DNAH10: variants seen among roughly 807,000 people sequenced by gnomAD.
The protein encoded by DNAH10 is axonemal beta dynein heavy chain 10.
Under a neutral mutation model 506.6 loss-of-function variants are expected in DNAH10, and 348 were observed. The ratio of observed to expected loss-of-function variants is 0.69; its 90% CI spans 0.63 to 0.75. The LOEUF (loss-of-function observed/expected upper bound fraction) is 0.75, where lower values mean the gene tolerates loss of function less well. DNAH10 is among the 30% of genes least tolerant of loss of function. The pLI is 0.00. For missense variants in DNAH10, 5,179 were observed against 5,787.1 expected, an observed-to-expected ratio of 0.89 and a Z score of 3.41; for synonymous variants, 2,059 against 2,198.6, an observed-to-expected ratio of 0.94 and a Z score of 1.78.
At chr12:123,777,676 C>T (rs983668743) in intron 5 of DNAH10, among the ~76,000 whole-genome samples, 1 of 152,204 alleles carries the variant, frequency 6.6e-6, no homozygotes, top group Admixed American at 6.5e-5. Flanking sequence ...GACAGCGTCT[C>T]ATTCTGCCAC....
chr12:123,871,575 C>T lies in DNAH10; in HGVS notation c.7758C>T (p.Phe2586=), dbSNP rs1387273794. The change falls in exon 45 of 79, where the codon TTC becomes TTT. Residue 2586 remains phenylalanine (F), a synonymous_variant. Transcript: ENST00000673944. ...CTAAGACAGCCACTACCCAGAATTT[C>T]CTCAAAAATCTGAGTGAAGAAACTA... ...GTSKTATTQN[F]LKNLSEETNI... is the part of the protein sequence containing the mutation. 1.9e-6 allele frequency: 3 copies of T among 1,551,056 alleles called. No individual in the cohort carries two copies. Among genetic ancestry groups the T allele is most frequent in the Non-Finnish European group, 1.7e-6 (2 of 1,147,074 alleles).
At chr12:123,859,869 C>A (rs572941107) in intron 38 of DNAH10, among the ~76,000 whole-genome samples, 1 of 151,776 alleles carries the variant, frequency 6.6e-6, no homozygotes, top group Admixed American at 6.6e-5. Context: ...TCCGTCTCCA[C>A]ATTAAAAAAA....
chr12:123,853,323 C>G lies in DNAH10; in HGVS notation c.6409C>G (p.Leu2137Val). The G allele has an allele frequency of 6.2e-7, 1 of 1,612,202 alleles. No homozygotes were observed. The highest frequency in any genetic ancestry group is 1.3e-5 in the African/African-American group (1 of 74,986). ...ATCGGTGCTGGTCATGGCTGGTGAG[C>G]TGAAGAGAGGCTCCTCTGACCTTAG... ...LKSVLVMAGE[L>V]KRGSSDLRED... The change falls in exon 36 of 79, where the codon CTG becomes GTG. Residue 2137 changes from leucine (L) to valine (V), a missense_variant. Transcript: ENST00000673944. This position sits in a 1 kb window ranked among gnomAD's most constrained non-coding sequence, Gnocchi z 4.7.
intron 2 of DNAH10, 99 bp downstream of exon 2, chr12:123,767,788 C>T (rs1957103363): frequency 3.0e-6 from 3 of 986,168 alleles, no homozygotes; most frequent in East Asian, 2.7e-5. Context: ...GTTGTACTTT[C>T]ACTGGGTATG....
In DNAH10 at chr12:123,871,960, T is replaced by C. The variant is rs1222633109; in HGVS notation, c.7785+358T>C. Among the ~76,000 whole-genome samples the C allele has an allele frequency of 5.9e-5, 9 of 152,336 alleles. No homozygotes were observed. The East Asian group carries it at 1.7e-3, about 29-fold the overall frequency. On this transcript the variant is annotated intron_variant, in intron 45 of 78. Transcript: ENST00000673944. ...ATAGATGGCAAAGCAGATGCTATGA[T>C]GTCTTTTATGACCTGGCCTTGGAAG...
At chr12:123,931,498 T>A (rs756801069) in intron 74 of DNAH10, 26 bp downstream of exon 74, 2 of 1,610,938 alleles carry the variant, frequency 1.2e-6, no homozygotes, top group African/African-American at 1.3e-5. Context: ...GAGGACTTCA[T>A]TAGTTTGATT....
chr12:123,771,463 G>A (rs766579876), intron 2 of DNAH10, 138 bp from the exon 3 acceptor site: 1 of 720,910 alleles, frequency 1.4e-6, no homozygotes, highest in Non-Finnish European at 2.4e-6. Flanking sequence ...TGATTGATTG[G>A]AACAGAAGGT....
At chr12:123,884,697 T>C (rs147832078) in intron 51 of DNAH10, among the ~76,000 whole-genome samples, 1 of 151,932 alleles carries the variant, frequency 6.6e-6, no homozygotes, top group East Asian at 1.9e-4. Flanking sequence ...CAAAGGAATT[T>C]TGTGTGTGTG....
intron 25 of DNAH10, among the ~76,000 whole-genome samples, chr12:123,829,838 A>G (rs542229278): frequency 6.6e-6 from 1 of 152,166 alleles, no homozygotes; most frequent in Non-Finnish European, 1.5e-5. Flanking sequence ...TATACACAGA[A>G]CTAAAACATG....
Position 123,886,825 on chromosome 12 carries a change from G to A in DNAH10, c.8824-317G>A, listed in dbSNP as rs75394108. ...CGTGTGTACATTGATTTCCTGTCACGAAGTTAAAGTGCCTGCTTATTTCTC... is the reference window on the plus strand; with the variant it reads ...CGTGTGTACATTGATTTCCTGTCACAAAGTTAAAGTGCCTGCTTATTTCTC... On this transcript the variant is annotated intron_variant, in intron 51 of 78. Transcript: ENST00000673944. Among the ~76,000 whole-genome samples the A allele has an allele frequency of 8.7e-3, 1,325 of 152,206 alleles. 16 individuals carry two copies. Among genetic ancestry groups the A allele is most frequent in the African/African-American group, 0.03 (1,243 of 41,506 alleles).
intron 41 of DNAH10, among the ~76,000 whole-genome samples, chr12:123,866,861 G>A (rs753914080): frequency 2.2e-4 from 33 of 152,216 alleles, no homozygotes; most frequent in Non-Finnish European, 3.7e-4. Flanking sequence ...TGACAGTCAC[G>A]TGCGGGTTGT....
intron 54 of DNAH10, among the ~76,000 whole-genome samples, chr12:123,896,003 C>A (rs1041074394): frequency 6.6e-6 from 1 of 151,718 alleles, no homozygotes; most frequent in Non-Finnish European, 1.5e-5. Flanking sequence ...ATCCCAGCTA[C>A]TCAGGAGGCT....
At position 123,835,468 on chromosome 12, in the gene DNAH10, A is replaced by G; in HGVS notation, c.4842A>G (p.Ile1614Met). 2 of 1,609,318 alleles carry G rather than the reference A, an allele frequency of 1.2e-6. No homozygotes were observed. Among genetic ancestry groups the G allele is most frequent in the Non-Finnish European group, 1.7e-6 (2 of 1,177,536 alleles). Residue 1614 changes from isoleucine (I) to methionine (M), a missense_variant, in exon 28 of 79, where the codon ATA becomes ATG. Coordinates refer to ENST00000673944, the MANE Select transcript of DNAH10 (RefSeq NM_001372106.1). Reference sequence around the variant, plus strand: ...AAAGTATTTTTATTGGTGGAGATATAAGATCACAACTTCCGGAAGAGGCAA... The same window carrying G: ...AAAGTATTTTTATTGGTGGAGATATGAGATCACAACTTCCGGAAGAGGCAA... ...YLESIFIGGD[I>M]RSQLPEEAKK...
At position 123,870,264 on chromosome 12, in the gene DNAH10, C is replaced by T. The variant is rs1295513717; in HGVS notation, c.7520-102C>T. Reference sequence around the variant, plus strand: ...GCATTGAAGTACTCACTATGGCCTCCGTGCAGTACAAGCAACATTAGTTCA... The same window carrying T: ...GCATTGAAGTACTCACTATGGCCTCTGTGCAGTACAAGCAACATTAGTTCA... On this transcript the variant is annotated intron_variant, in intron 43 of 78. Coordinates refer to ENST00000673944, the MANE Select transcript of DNAH10 (RefSeq NM_001372106.1). 1.8e-5 allele frequency: 26 copies of T among 1,456,428 alleles called. No individual in the cohort carries two copies. In the Admixed American group the frequency reaches 2.1e-4, roughly 12 times the overall value. The allele number at this position is 1,456,428 out of a possible 1,614,324, so 90.2% of individuals were successfully genotyped here.
chr12:123,901,116 G>A lies in DNAH10; in HGVS notation c.9641-1823G>A, dbSNP rs191659124. On this transcript the variant is annotated intron_variant, in intron 56 of 78. Coordinates refer to ENST00000673944, the MANE Select transcript of DNAH10 (RefSeq NM_001372106.1). ...CCCATGCTTCTGCCTGGCTGAAAGAGCCCACAATTTTGCTCCTCAGCATGA... is the reference window on the plus strand; with the variant it reads ...CCCATGCTTCTGCCTGGCTGAAAGAACCCACAATTTTGCTCCTCAGCATGA... Among the ~76,000 whole-genome samples the A allele has an allele frequency of 5.3e-5, 8 of 152,332 alleles. No individual in the cohort carries two copies. The East Asian group carries it at 1.3e-3, about 26-fold the overall frequency.
chr12:123,908,158 CCCTGT>C (rs1953885839), intron 57 of DNAH10, among the ~76,000 whole-genome samples: 1 of 150,188 alleles, frequency 6.7e-6, no homozygotes. Context: ...CTCCCTGTCT[CCCTGT>C]CTCCTCCCTG....
At chr12:123,900,369 G>A (rs1376814924) in intron 56 of DNAH10, among the ~76,000 whole-genome samples, 2 of 152,144 alleles carry the variant, frequency 1.3e-5, no homozygotes, top group African/African-American at 4.8e-5. Flanking sequence ...TCAGCTTCAT[G>A]GCAGCCACCG....
intron 76 of DNAH10, among the ~76,000 whole-genome samples, chr12:123,933,037 TTTTC>T (rs1955293248): frequency 6.6e-6 from 1 of 152,328 alleles, no homozygotes; most frequent in Non-Finnish European, 1.5e-5. Context: ...CCTACAAGGC[TTTTC>T]TTTTTTATCC....
chr12:123,800,521 A>G, intron 15 of DNAH10, 133 bp downstream of exon 15: 1 of 919,478 alleles, frequency 1.1e-6, no homozygotes, highest in Non-Finnish European at 1.6e-6. Context: ...TTCTTACCAC[A>G]TTAGAAATTG....
Sources: gnomAD v4.1 joint callset for allele counts (sites outside exome capture counted in the v4.1 genomes callset) on GRCh38, gnomAD v4.1.1 for gene constraint, Gnocchi (gnomAD v3.1) non-coding constraint, MANE v1.5 for transcripts, NCBI Gene and HGNC (gene_info 2026-07-23, HGNC 2026-07-21) for gene names.